The following MOB1A variants were observed in gnomAD, a reference collection of about 807,000 sequenced individuals.
MOB1A encodes MOB kinase activator 1A.
MOB1A carries 10 observed loss-of-function variants against 25.1 expected under a neutral mutation model. The observed-to-expected ratio is 0.40, with a 90% CI of 0.25 to 0.68. The LOEUF is 0.68. Among genes scored for constraint, MOB1A ranks in the 30% least tolerant of loss-of-function variants. The pLI, the probability that MOB1A is intolerant of heterozygous loss-of-function variation, is 0.40. For synonymous variants in MOB1A, 81 were observed against 79.5 expected (o/e 1.02, Z -0.10); for missense variants, 177 against 256.3 (o/e 0.69, Z 2.11).
chr2:74,161,712 T>C (rs1692977863), intron 4 of MOB1A, among the ~76,000 whole-genome samples: 1 of 151,600 alleles, frequency 6.6e-6, no homozygotes, highest in Admixed American at 6.6e-5. Context: ...CTCAAGCTCT[T>C]TGGGAGACTG....
In MOB1A at chr2:74,178,844, G is replaced by A. The variant is rs1693557874; in HGVS notation, c.-170C>T. 7.5e-6 allele frequency: 3 copies of A among 400,630 alleles called. No individual in the cohort carries two copies. The highest frequency in any genetic ancestry group is 1.3e-5 in the Non-Finnish European group (3 of 230,906). The allele number at this position is 400,630 out of a possible 1,614,324, so 24.8% of individuals were successfully genotyped here. A position where few individuals can be genotyped will look rare whatever the true frequency, so the allele number is the denominator to read the frequency against. On this transcript the variant is annotated 5_prime_UTR_variant, in exon 1 of 6. Coordinates refer to ENST00000396049, the MANE Select transcript of MOB1A (RefSeq NM_018221.5). ...CGAGCCTTTGCAAACCTCGGCGCCC[G>A]CCTTGCCCGCCTACCCCACCTCGCA...
intron 1 of MOB1A, 103 bp downstream of exon 1, chr2:74,178,557 GC>G: frequency 4.9e-6 from 4 of 812,634 alleles, no homozygotes; most frequent in South Asian, 4.0e-5. Context: ...CAGCTACCCC[GC>G]CCCCGCCTCG....
intron 4 of MOB1A, among the ~76,000 whole-genome samples, chr2:74,160,856 C>T (rs1261465428): frequency 6.6e-6 from 1 of 151,448 alleles, no homozygotes; most frequent in East Asian, 1.9e-4. Context: ...GTCAGGAGTT[C>T]GAGACCAGCC....
chr2:74,177,491 T>C (rs1360645342), intron 1 of MOB1A, among the ~76,000 whole-genome samples: 2 of 152,192 alleles, frequency 1.3e-5, no homozygotes, highest in Non-Finnish European at 2.9e-5. Flanking sequence ...ATCTAAATCA[T>C]ACAGGCTTTT....
At chr2:74,156,859 CT>C (rs1692820684) in intron 5 of MOB1A, among the ~76,000 whole-genome samples, 1 of 151,520 alleles carries the variant, frequency 6.6e-6, no homozygotes. Flanking sequence ...TGGTACTGAA[CT>C]TTGGCCTCAA....
chr2:74,160,679 G>A (rs914027449), intron 4 of MOB1A, among the ~76,000 whole-genome samples: 2 of 151,616 alleles, frequency 1.3e-5, no homozygotes, highest in African/African-American at 4.9e-5. Flanking sequence ...CAGCCTGGGT[G>A]ACAGAGCGAG....
Position 74,178,709 on chromosome 2 carries a change from G to A in MOB1A, c.-35C>T. On this transcript the variant is annotated 5_prime_UTR_variant, in exon 1 of 6. Transcript: ENST00000396049. ...TCAGAGGGGAGGCGAGGGGCCCCTG[G>A]CCCCCGCCTGGATCAGGATTCGGAG... 1 of 1,219,888 alleles carries A rather than the reference G, an allele frequency of 8.2e-7. No homozygotes were observed. Among genetic ancestry groups the A allele is most frequent in the South Asian group, 2.5e-5 (1 of 40,100 alleles). 75.6% of individuals were successfully genotyped at this position (1,219,888 alleles called of 1,614,324 possible).
Position 74,167,205 on chromosome 2 carries a change from C to G in MOB1A, c.182-98G>C, listed in dbSNP as rs939743323. On this transcript the variant is annotated intron_variant, in intron 2 of 5. Coordinates refer to ENST00000396049, the MANE Select transcript of MOB1A (RefSeq NM_018221.5). ...ACAGACAATACATTTAGGTTCTTAG[C>G]TGAACCCTTGAGACATTCAATAATC... The G allele has an allele frequency of 7.1e-6, 6 of 847,062 alleles. No homozygotes were observed. In the South Asian group the frequency reaches 9.2e-5, roughly 13 times the overall value. 52.5% of individuals were successfully genotyped at this position (847,062 alleles called of 1,614,324 possible). A position where few individuals can be genotyped will look rare whatever the true frequency, so the allele number is the denominator to read the frequency against.
Position 74,159,171 on chromosome 2 carries a change from G to C in MOB1A, c.493C>G (p.Gln165Glu), listed in dbSNP as rs1692888807. Residue 165 changes from glutamine (Q) to glutamate (E), a missense_variant, in exon 5 of 6, where the codon CAG (glutamine) becomes GAG (glutamate). Gln to Glu is a conservative substitution (Grantham distance 29). Coordinates refer to ENST00000396049, the MANE Select transcript of MOB1A (RefSeq NM_018221.5). Reference protein sequence around the residue: ...LFRVYAHIYHQHFDSVMQLQE... With the variant: ...LFRVYAHIYHEHFDSVMQLQE... The stretch of plus-strand genomic sequence containing the variant: ...AGCTGCATCACAGAATCAAAGTGCT[G>C]GTGATAAATATGGGCATAAACCCTG... The C allele has an allele frequency of 6.2e-7, 1 of 1,613,770 alleles. No individual in the cohort carries two copies. The highest frequency in any genetic ancestry group is 2.2e-5 in the East Asian group (1 of 44,886).
Position 74,156,618 on chromosome 2 carries a change from G to A in MOB1A, c.601C>T (p.Leu201=). 6.4e-7 allele frequency: 1 copy of A among 1,555,346 alleles called. No homozygotes were observed. The highest frequency in any genetic ancestry group is 2.4e-5 in the East Asian group (1 of 41,742). The change falls in exon 6 of 6, where the codon CTG becomes TTG. Residue 201 remains leucine, a synonymous_variant. Coordinates refer to ENST00000396049, the MANE Select transcript of MOB1A (RefSeq NM_018221.5). ...QEFNLIDRRE[L]APLQELIEKL... ...TCTATTAATTCTTGAAGAGGTGCCA[G>A]CTCACGCCTATCAATCAGATTAAAC...
intron 4 of MOB1A, among the ~76,000 whole-genome samples, chr2:74,161,994 T>G (rs945766021): frequency 6.6e-6 from 1 of 152,110 alleles, no homozygotes; most frequent in Admixed American, 6.6e-5. Flanking sequence ...ACATCTTTTT[T>G]TATCAGAATG....
At chr2:74,177,018 G>A (rs570576277) in intron 1 of MOB1A, among the ~76,000 whole-genome samples, 3 of 152,028 alleles carry the variant, frequency 2.0e-5, no homozygotes, top group African/African-American at 4.8e-5. Flanking sequence ...GCCAAAAAGC[G>A]GGAACAACTC....
At chr2:74,172,326 A>G (rs1693315460) in intron 2 of MOB1A, among the ~76,000 whole-genome samples, 1 of 152,126 alleles carries the variant, frequency 6.6e-6, no homozygotes, top group African/African-American at 2.4e-5. Context: ...ATCTGACCTT[A>G]CTCAGCTTTT....
intron 2 of MOB1A, among the ~76,000 whole-genome samples, chr2:74,169,117 A>G (rs770932323): frequency 5.3e-5 from 8 of 152,376 alleles, no homozygotes; most frequent in Non-Finnish European, 1.0e-4. Context: ...AAACAATGCC[A>G]TACTTCTCAC....
chr2:74,165,768 T>C (rs969064267), intron 3 of MOB1A, among the ~76,000 whole-genome samples: 2 of 152,128 alleles, frequency 1.3e-5, no homozygotes, highest in Admixed American at 1.3e-4. Context: ...GGCCAGGTGT[T>C]AGAGATATAC....
Position 74,155,138 on chromosome 2 carries a change from CT to C in MOB1A, c.*1429del, listed in dbSNP as rs1165773515. 3 of 152,380 alleles carry C rather than the reference CT, an allele frequency of 2.0e-5. No homozygotes were observed. Among genetic ancestry groups the C allele is most frequent in the African/African-American group, 7.2e-5 (3 of 41,462 alleles). 9.4% of individuals were successfully genotyped at this position (152,380 alleles called of 1,614,324 possible). A position where few individuals can be genotyped will look rare whatever the true frequency, so the allele number is the denominator to read the frequency against. On this transcript the variant is annotated 3_prime_UTR_variant, in exon 6 of 6. Transcript: ENST00000396049. ...CTGAACCACATAGAATGCTGATGAACTTAAAGCTTTGCCAGTTTGGCAAGTC... is the reference window on the plus strand; with the variant it reads ...CTGAACCACATAGAATGCTGATGAACTAAAGCTTTGCCAGTTTGGCAAGTC...
At chr2:74,173,548 T>A (rs1422697255) in intron 1 of MOB1A, among the ~76,000 whole-genome samples, 2 of 141,436 alleles carry the variant, frequency 1.4e-5, no homozygotes, top group African/African-American at 5.1e-5. Flanking sequence ...ACCCAGCTAA[T>A]TTTTTTTTTT....
intron 1 of MOB1A, 63 bp from the exon 2 acceptor site, chr2:74,172,815 C>A: frequency 6.6e-7 from 1 of 1,507,436 alleles, no homozygotes; most frequent in Non-Finnish European, 9.1e-7. Context: ...GGTAGAACAA[C>A]ATAATTTTAG....
intron 2 of MOB1A, among the ~76,000 whole-genome samples, chr2:74,169,971 TG>T (rs1025993562): frequency 9.2e-5 from 14 of 151,908 alleles, no homozygotes; most frequent in African/African-American, 3.4e-4. Context: ...TACATATTTA[TG>T]GGAATCAATA....
Sources: gnomAD v4.1 joint callset for allele counts (sites outside exome capture counted in the v4.1 genomes callset) on GRCh38, gnomAD v4.1.1 for gene constraint, MANE v1.5 for transcripts, NCBI Gene and HGNC (gene_info 2026-07-23, HGNC 2026-07-21) for gene names.